Variants in DOCK2 observed in about 807,000 individuals in gnomAD.
The protein encoded by DOCK2 is dedicator of cytokinesis protein 2.
A neutral mutation model predicts 248.9 loss-of-function variants in DOCK2; 87 were observed. That is an observed-to-expected ratio of 0.35 (90% confidence interval 0.29 to 0.42). DOCK2 has a LOEUF of 0.42. Among genes scored for constraint, DOCK2 ranks in the 10% least tolerant of loss-of-function variants. The probability of loss-of-function intolerance (pLI) is 1.00; values close to 1 mark genes in which losing one functional copy is unlikely to be tolerated. For synonymous variants in DOCK2, 805 were observed against 821.6 expected (o/e 0.98, Z 0.35); for missense variants, 1,747 against 2,300.2 (o/e 0.76, Z 4.92).
At chr5:169,752,212 T>A (rs148428412) in intron 23 of DOCK2, among the ~76,000 whole-genome samples, 1 of 152,118 alleles carries the variant, frequency 6.6e-6, no homozygotes. Flanking sequence ...TTTGCCCCAC[T>A]CTCCTTACGA....
At chr5:169,914,858 G>T (rs2113631721) in intron 27 of DOCK2, among the ~76,000 whole-genome samples, 1 of 152,338 alleles carries the variant, frequency 6.6e-6, no homozygotes, top group East Asian at 1.9e-4. Context: ...TGGAGTAAAT[G>T]ATCTACAAAG....
In DOCK2 at chr5:169,714,035, G is replaced by C; in HGVS notation, c.1667G>C (p.Ser556Thr). Residue 556 changes from serine to threonine, a missense_variant, in exon 18 of 52, where the codon AGC becomes ACC. Transcript: ENST00000520908. The part of the protein sequence containing the change: ...FHDLVVLKGD[S>T]KKMEDASAYL... Reference sequence around the variant, plus strand: ...ACCAAGTGTTGTTTCCAGGGGGACAGCAAGAAGATGGAGGATGCCAGCGCA... The same window carrying C: ...ACCAAGTGTTGTTTCCAGGGGGACACCAAGAAGATGGAGGATGCCAGCGCA... 1 of 1,596,390 alleles carries C rather than the reference G, an allele frequency of 6.3e-7. No homozygotes were observed.
intron 4 of DOCK2, among the ~76,000 whole-genome samples, chr5:169,670,801 G>A (rs552682544): frequency 6.6e-6 from 1 of 152,252 alleles, no homozygotes; most frequent in East Asian, 1.9e-4. Flanking sequence ...CTCTGAGGGG[G>A]TATTAGTTTG....
intron 27 of DOCK2, among the ~76,000 whole-genome samples, chr5:169,866,147 C>T (rs1771542820): frequency 6.6e-6 from 1 of 151,940 alleles, no homozygotes; most frequent in African/African-American, 2.4e-5. Context: ...TCTTAGGGAG[C>T]ACTAGGAAAG....
At chr5:169,728,313 G>A (rs1762595134) in intron 22 of DOCK2, among the ~76,000 whole-genome samples, 1 of 152,288 alleles carries the variant, frequency 6.6e-6, no homozygotes, top group Admixed American at 6.5e-5. Context: ...CAGGAGAATG[G>A]AGACACAGTT....
chr5:169,714,420 A>G lies in DOCK2; in HGVS notation c.1904A>G (p.Glu635Gly), dbSNP rs1363448624. Residue 635 changes from glutamate (E) to glycine (G), a missense_variant, in exon 19 of 52, where the codon GAA becomes GGA. Transcript: ENST00000520908. ...MKPQLLQENL[E>G]KLKIVDGEEV... ...CCTCAACTGCTACAGGAGAATTTAGAAAAGTTGAAGATTGTGGATGGAGAG... is the reference window on the plus strand; with the variant it reads ...CCTCAACTGCTACAGGAGAATTTAGGAAAGTTGAAGATTGTGGATGGAGAG... 1 of 1,614,020 alleles carries G rather than the reference A, an allele frequency of 6.2e-7. No homozygotes were observed.
At chr5:169,946,124 A>C (rs1421740229) in intron 27 of DOCK2, among the ~76,000 whole-genome samples, 1 of 152,170 alleles carries the variant, frequency 6.6e-6, no homozygotes, top group Non-Finnish European at 1.5e-5. Context: ...AGCACAGCAA[A>C]TATGAGGAAG....
chr5:169,840,738 G>A lies in DOCK2; in HGVS notation c.2704-19G>A, dbSNP rs1373601018. The A allele has an allele frequency of 3.1e-6, 5 of 1,611,788 alleles. No individual in the cohort carries two copies. The highest frequency in any genetic ancestry group is 1.7e-5 in the Admixed American group (1 of 59,914). On this transcript the variant is annotated intron_variant, in intron 26 of 51. Coordinates refer to ENST00000520908, the MANE Select transcript of DOCK2 (RefSeq NM_004946.3). ...GCAGTGTCCTGGTTGTCACATAGATGTCTCTGACTGTTTTACAGGCCTTCA... is the reference window on the plus strand; with the variant it reads ...GCAGTGTCCTGGTTGTCACATAGATATCTCTGACTGTTTTACAGGCCTTCA...
chr5:169,984,318 T>A (rs764530430), intron 28 of DOCK2, among the ~76,000 whole-genome samples: 1 of 152,144 alleles, frequency 6.6e-6, no homozygotes, highest in Non-Finnish European at 1.5e-5. Context: ...TGTGATGATA[T>A]CCACACTTCC....
intron 45 of DOCK2, among the ~76,000 whole-genome samples, chr5:170,067,923 G>A (rs7721418): frequency 0.03 from 4,499 of 152,268 alleles, 91 homozygotes; most frequent in Non-Finnish European, 0.045. Flanking sequence ...GGGCAGGAAG[G>A]GGCAGGGGTC....
At chr5:169,773,910 C>T (rs533526618) in intron 25 of DOCK2, among the ~76,000 whole-genome samples, 2 of 152,250 alleles carry the variant, frequency 1.3e-5, no homozygotes, top group South Asian at 2.1e-4. Flanking sequence ...CTTCTCATTC[C>T]CTCTTGCCTG....
At chr5:169,852,882 G>C (rs987797816) in intron 27 of DOCK2, among the ~76,000 whole-genome samples, 1 of 152,196 alleles carries the variant, frequency 6.6e-6, no homozygotes, top group Non-Finnish European at 1.5e-5. Flanking sequence ...TGAAGGCCTG[G>C]AACACACATT....
intron 26 of DOCK2, among the ~76,000 whole-genome samples, chr5:169,838,045 C>G (rs976901351): frequency 2.0e-5 from 3 of 151,876 alleles, no homozygotes; most frequent in African/African-American, 7.3e-5. Context: ...GATGAAATTG[C>G]AAAGGAATGC....
intron 27 of DOCK2, among the ~76,000 whole-genome samples, chr5:169,865,294 C>T (rs1014241936): frequency 2.0e-5 from 3 of 152,158 alleles, no homozygotes; most frequent in Admixed American, 6.5e-5. Flanking sequence ...GTGAACCTGT[C>T]GCAGAGCAGG....
intron 23 of DOCK2, among the ~76,000 whole-genome samples, chr5:169,755,617 G>A (rs900673518): frequency 2.1e-4 from 32 of 152,088 alleles, no homozygotes; most frequent in African/African-American, 7.0e-4. Context: ...GGTGGCGGGT[G>A]CCTATAATCC....
intron 27 of DOCK2, among the ~76,000 whole-genome samples, chr5:169,939,367 T>G (rs1478442892): frequency 1.3e-5 from 2 of 152,190 alleles, no homozygotes; most frequent in African/African-American, 2.4e-5. Flanking sequence ...TTCATGAATT[T>G]GTCACCTCCT....
At chr5:169,743,028 C>T (rs939917935) in intron 22 of DOCK2, among the ~76,000 whole-genome samples, 2 of 152,224 alleles carry the variant, frequency 1.3e-5, no homozygotes, top group Non-Finnish European at 2.9e-5. Context: ...AAAATGTTTA[C>T]ATCCTGAAGC....
intron 36 of DOCK2, among the ~76,000 whole-genome samples, chr5:170,038,553 A>G (rs1756399604): frequency 6.6e-6 from 1 of 152,190 alleles, no homozygotes; most frequent in South Asian, 2.1e-4. Context: ...CCCTCGTCCT[A>G]TTCTGACGAC....
intron 25 of DOCK2, among the ~76,000 whole-genome samples, chr5:169,765,090 ACACACACACACACCC>A (rs1277284018): frequency 4.6e-5 from 7 of 151,758 alleles, no homozygotes; most frequent in African/African-American, 1.7e-4. Flanking sequence ...ACACACACAC[ACACACACACACACCC>A]CACACACAGT....
Sources: allele counts gnomAD v4.1 joint callset (sites outside exome capture counted in the v4.1 genomes callset), GRCh38; gene constraint gnomAD v4.1.1; transcripts MANE v1.5; gene names NCBI Gene and HGNC (gene_info 2026-07-23, HGNC 2026-07-21).